Variants in GRID1 observed in about 807,000 individuals in gnomAD.
The protein encoded by GRID1 is glutamate ionotropic receptor delta type subunit 1, also known as glutamate receptor ionotropic, delta-1.
GRID1 carries 28 observed loss-of-function variants against 98.0 expected under a neutral mutation model. That is an observed-to-expected ratio of 0.29 (90% CI 0.21 to 0.39). The LOEUF is 0.39. GRID1 is among the 10% of genes least tolerant of loss of function. GRID1 has a pLI of 1.00. For synonymous variants in GRID1, 553 were observed against 538.5 expected (o/e 1.03, Z -0.37); for missense variants, 1,111 against 1,340.5 (o/e 0.83, Z 2.67).
At chr10:86,163,345 G>C (rs4933384) in intron 3 of GRID1, among the ~76,000 whole-genome samples, 7,101 of 152,190 alleles carry the variant, frequency 0.047, 229 homozygotes, top group Admixed American at 0.11. Context: ...GACAGAGCTA[G>C]GGGCTGTGGG....
At chr10:86,150,338 A>C (rs1049625608) in intron 3 of GRID1, among the ~76,000 whole-genome samples, 3 of 152,182 alleles carry the variant, frequency 2.0e-5, no homozygotes, top group African/African-American at 7.2e-5. Flanking sequence ...AGGAAGGCTA[A>C]CCATACCATG....
intron 12 of GRID1, among the ~76,000 whole-genome samples, chr10:85,713,728 A>G (rs1316340074): frequency 2.6e-5 from 4 of 151,876 alleles, no homozygotes; most frequent in Admixed American, 6.6e-5. Flanking sequence ...GATACACTAC[A>G]TTAACAAAAT....
At chr10:85,933,873 G>A (rs183455775) in intron 4 of GRID1, among the ~76,000 whole-genome samples, 11 of 152,260 alleles carry the variant, frequency 7.2e-5, no homozygotes, top group African/African-American at 2.6e-4. Flanking sequence ...ATAATAGTCT[G>A]CTCAAAGAAA....
At position 85,937,051 on chromosome 10, in the gene GRID1, A is replaced by C. The variant is rs1288525280; in HGVS notation, c.727-20812T>G. Reference sequence around the variant, plus strand: ...ACCAGCCAATATCCTGGTTTGTTCCACTCAAATCCTCACCCAGGCTGTTTT... The same window carrying C: ...ACCAGCCAATATCCTGGTTTGTTCCCCTCAAATCCTCACCCAGGCTGTTTT... On this transcript the variant is annotated intron_variant, in intron 4 of 15. Transcript: ENST00000327946. 1.3e-5 allele frequency among the ~76,000 whole-genome samples: 2 copies of C among 152,114 alleles called. 1 individual carries two copies. Among genetic ancestry groups the C allele is most frequent in the African/African-American group, 4.8e-5 (2 of 41,426 alleles).
At chr10:86,099,524 A>C (rs1258496684) in intron 4 of GRID1, among the ~76,000 whole-genome samples, 1 of 151,846 alleles carries the variant, frequency 6.6e-6, no homozygotes, top group Non-Finnish European at 1.5e-5. Context: ...AGAATCTGCC[A>C]CTCAAGGTCA....
At position 86,283,390 on chromosome 10, in the gene GRID1, T is replaced by C. The variant is rs117755218; in HGVS notation, c.236-76742A>G. Among the ~76,000 whole-genome samples the C allele has an allele frequency of 1.5e-3, 235 of 152,254 alleles. 3 individuals are homozygous for C. In the East Asian group the frequency reaches 0.042, roughly 27 times the overall value. On this transcript the variant is annotated intron_variant, in intron 2 of 15. Transcript: ENST00000327946. ...CCCCACATGTGGTGAGGGGCCCCAG[T>C]ATCTAGCCCACTGCCTGGCTGGAAG...
intron 5 of GRID1, among the ~76,000 whole-genome samples, chr10:85,892,437 G>T (rs1841216511): frequency 1.3e-5 from 2 of 151,642 alleles, no homozygotes; most frequent in South Asian, 4.2e-4. Context: ...AATCCTAAAA[G>T]CAGCTAGAAG....
intron 6 of GRID1, among the ~76,000 whole-genome samples, chr10:85,861,081 G>C (rs1429757739): frequency 6.6e-6 from 1 of 152,206 alleles, no homozygotes; most frequent in Non-Finnish European, 1.5e-5. Flanking sequence ...TGAGCTGAGA[G>C]CTCCTCCAGG....
At chr10:85,903,498 T>C (rs12246799) in intron 5 of GRID1, among the ~76,000 whole-genome samples, 7,461 of 152,162 alleles carry the variant, frequency 0.049, 212 homozygotes, top group Middle Eastern at 0.099. Context: ...GCCTGATAAA[T>C]AGTTTATTTC....
chr10:86,325,180 C>G (rs1202698435), intron 2 of GRID1, among the ~76,000 whole-genome samples: 4 of 150,530 alleles, frequency 2.7e-5, no homozygotes, highest in Non-Finnish European at 5.9e-5. Flanking sequence ...ATTTGCACAT[C>G]TCACTTGTAT....
At chr10:85,932,639 G>C (rs1014653620) in intron 4 of GRID1, among the ~76,000 whole-genome samples, 7 of 152,232 alleles carry the variant, frequency 4.6e-5, no homozygotes, top group African/African-American at 1.7e-4. Context: ...GTTTAGGGGA[G>C]AGCAGGGATA....
intron 8 of GRID1, among the ~76,000 whole-genome samples, chr10:85,731,995 GA>G (rs2132661604): frequency 1.3e-5 from 2 of 152,222 alleles, no homozygotes; most frequent in East Asian, 3.9e-4. Context: ...ATTGCATTAA[GA>G]TACAGAATTG....
intron 3 of GRID1, among the ~76,000 whole-genome samples, chr10:86,143,758 TG>T (rs1347503113): frequency 6.6e-6 from 1 of 152,184 alleles, no homozygotes; most frequent in Non-Finnish European, 1.5e-5. Flanking sequence ...GCATGGACTC[TG>T]GAAAAGGCCA....
intron 2 of GRID1, among the ~76,000 whole-genome samples, chr10:86,338,012 A>G (rs1395922578): frequency 6.6e-6 from 1 of 152,066 alleles, no homozygotes; most frequent in Non-Finnish European, 1.5e-5. Flanking sequence ...CTGGCCTGGA[A>G]CTTCTTTCTA....
chr10:85,687,065 T>C (rs1457641326), intron 12 of GRID1, among the ~76,000 whole-genome samples: 2 of 152,212 alleles, frequency 1.3e-5, no homozygotes, highest in Admixed American at 6.5e-5. Flanking sequence ...ACAGTGGAGA[T>C]TAAAATACTT....
chr10:85,676,625 C>T (rs1219422428), intron 12 of GRID1, among the ~76,000 whole-genome samples: 2 of 152,176 alleles, frequency 1.3e-5, no homozygotes, highest in East Asian at 1.9e-4. Flanking sequence ...AATGAGCCTG[C>T]CCTAGCCCTA....
chr10:85,667,678 C>G (rs1180202945), intron 12 of GRID1, among the ~76,000 whole-genome samples: 4 of 152,330 alleles, frequency 2.6e-5, no homozygotes, highest in Admixed American at 2.6e-4. Context: ...TGCAACAGGT[C>G]TGGCTTCTTC....
chr10:85,892,907 T>C (rs1350293346), intron 5 of GRID1, among the ~76,000 whole-genome samples: 1 of 152,112 alleles, frequency 6.6e-6, no homozygotes, highest in Non-Finnish European at 1.5e-5. Flanking sequence ...GTTTACAGGA[T>C]AAGAAACTGA....
chr10:85,890,324 G>A (rs187980339), intron 5 of GRID1, among the ~76,000 whole-genome samples: 24 of 152,124 alleles, frequency 1.6e-4, no homozygotes, highest in Admixed American at 1.1e-3. Context: ...AATTACAAAT[G>A]TATGACATGA....
Sources: allele counts gnomAD v4.1 joint callset (sites outside exome capture counted in the v4.1 genomes callset), GRCh38; gene constraint gnomAD v4.1.1; transcripts MANE v1.5; gene names NCBI Gene and HGNC (gene_info 2026-07-23, HGNC 2026-07-21).